Variants in ARL10 observed in about 807,000 individuals in gnomAD.
ARL10 encodes ADP-ribosylation factor-like protein 10.
Under a neutral mutation model 26.1 loss-of-function variants are expected in ARL10, and 23 were observed. The ratio of observed to expected loss-of-function variants is 0.88; its 90% CI spans 0.63 to 1.25. ARL10 has a LOEUF of 1.25. ARL10 is among the 50% of genes most tolerant of loss of function. ARL10 has a pLI of 0.00. For synonymous variants in ARL10, 138 were observed against 149.1 expected (o/e 0.93, Z 0.54); for missense variants, 300 against 323.6 (o/e 0.93, Z 0.56).
At chr5:176,412,544 G>A in the ARL10 span, among the ~76,000 whole-genome samples, 8 of 152,354 alleles carry the variant, frequency 5.3e-5, no homozygotes, top group Admixed American at 2.0e-4. Flanking sequence ...AAAAAGCCAT[G>A]GAGGCCACAT....
chr5:176,394,019 G>A (rs1269463730), intron 1 of ARL10, among the ~76,000 whole-genome samples: 4 of 152,180 alleles, frequency 2.6e-5, no homozygotes, highest in African/African-American at 7.2e-5. Flanking sequence ...AGGTGACCTG[G>A]CCCCTCTCTA....
At chr5:176,410,210 A>C in the ARL10 span, 1 of 1,553,322 alleles carries the variant, frequency 6.4e-7, no homozygotes, top group Non-Finnish European at 8.9e-7. Flanking sequence ...GGTTACTGAG[A>C]CCAGGGCTGT....
Position 176,372,639 on chromosome 5 carries a change from T to G in ARL10, c.*744T>G, listed in dbSNP as rs908770619. On this transcript the variant is annotated 3_prime_UTR_variant, in exon 4 of 4. Transcript: ENST00000310389. ...ATATTCACCCACCAAACAGAAAAAGTGAAGGCTGGGTTTTTCCCCTCTAAT... is the reference window on the plus strand; with the variant it reads ...ATATTCACCCACCAAACAGAAAAAGGGAAGGCTGGGTTTTTCCCCTCTAAT... 39 of 336,902 alleles carry G rather than the reference T, an allele frequency of 1.2e-4. No homozygotes were observed. Among genetic ancestry groups the G allele is most frequent in the African/African-American group, 7.4e-4 (35 of 47,404 alleles). 20.9% of individuals were successfully genotyped at this position (336,902 alleles called of 1,614,324 possible).
At position 176,368,484 on chromosome 5, in the gene ARL10, G is replaced by A. The variant is rs1768404301; in HGVS notation, c.386-323G>A. On this transcript the variant is annotated intron_variant, in intron 2 of 3. Transcript: ENST00000310389. This position sits in a 1 kb window ranked among gnomAD's most constrained non-coding sequence, Gnocchi z 4.1. ...GGTACATCGCACGTGGTACCTGTGG[G>A]TTTTACTGCAACAACCCGTTAGGAA... is the stretch of plus-strand genomic sequence containing the variant. 6.6e-6 allele frequency among the ~76,000 whole-genome samples: 1 copy of A among 152,078 alleles called. No individual in the cohort carries two copies. The highest frequency in any genetic ancestry group is 2.4e-5 in the African/African-American group (1 of 41,428).
rs1218863841 is a variant in ARL10 at position 176,368,037 on chromosome 5, G to A, written c.386-770G>A. The A allele has an allele frequency of 9.8e-6, 5 of 512,734 alleles. No homozygotes were observed. In the East Asian group the frequency reaches 2.2e-4, roughly 23 times the overall value. 31.8% of individuals were successfully genotyped at this position (512,734 alleles called of 1,614,324 possible). ...CAGGCATTGTGCTGAGGGCTTTGTGGGGATTCAGAGGTAAGTGCCTCTGAC... is the reference window on the plus strand; with the variant it reads ...CAGGCATTGTGCTGAGGGCTTTGTGAGGATTCAGAGGTAAGTGCCTCTGAC... On this transcript the variant is annotated intron_variant, in intron 2 of 3. Transcript: ENST00000310389. This position sits in a 1 kb window ranked among gnomAD's most constrained non-coding sequence, Gnocchi z 4.1.
chr5:176,403,922 G>A (rs779074293), downstream of ARL10, among the ~76,000 whole-genome samples: 1 of 151,702 alleles, frequency 6.6e-6, no homozygotes, highest in South Asian at 2.1e-4. Flanking sequence ...CACCACACCC[G>A]ACTAATGTTT....
chr5:176,383,520 T>C (rs747155200), downstream of ARL10, among the ~76,000 whole-genome samples: 61 of 152,172 alleles, frequency 4.0e-4, 2 homozygotes, highest in Admixed American at 3.3e-3. Context: ...AGAAGCCAGG[T>C]TGGGGGCCTC....
chr5:176,404,388 A>C (rs570265685), downstream of ARL10, among the ~76,000 whole-genome samples: 2 of 152,358 alleles, frequency 1.3e-5, no homozygotes, highest in South Asian at 4.1e-4. Flanking sequence ...GCTGCAGAGC[A>C]CTTTTTTCCA....
In ARL10 at chr5:176,371,871, A is replaced by G. The variant is rs370534108; in HGVS notation, c.711A>G (p.Lys237=). The change falls in exon 4 of 4, where the codon AAA becomes AAG. Residue 237 remains lysine (K), a synonymous_variant. Coordinates refer to ENST00000310389, the MANE Select transcript of ARL10 (RefSeq NM_173664.6). ...FEEPGTVHIW[K]LLLELLS The stretch of plus-strand genomic sequence containing the variant: ...AGCCTGGCACCGTGCACATCTGGAA[A>G]CTGCTCTTGGAGCTCCTCTCCTAGG... The G allele has an allele frequency of 4.3e-6, 7 of 1,614,006 alleles. No homozygotes were observed. The highest frequency in any genetic ancestry group is 5.9e-6 in the Non-Finnish European group (7 of 1,180,000).
At chr5:176,409,226 G>A in the ARL10 span, among the ~76,000 whole-genome samples, 1 of 149,308 alleles carries the variant, frequency 6.7e-6, no homozygotes, top group Non-Finnish European at 1.5e-5. Context: ...CACCTGCCTT[G>A]GCCTCCCAAA....
downstream of ARL10, chr5:176,392,419 A>T: frequency 5.0e-6 from 1 of 199,320 alleles, no homozygotes; most frequent in Admixed American, 5.5e-5. This position sits in a 1 kb window ranked among gnomAD's most constrained non-coding sequence, Gnocchi z 5.2. Context: ...GAAGCTGGGA[A>T]AGTTCTAAGC....
At chr5:176,398,082 G>C in intron 1 of ARL10, 1 of 1,586,132 alleles carries the variant, frequency 6.3e-7, no homozygotes, top group Non-Finnish European at 8.7e-7. Context: ...TATCCAGCCA[G>C]CACACCTGCC....
chr5:176,411,125 T>A, the ARL10 span, among the ~76,000 whole-genome samples: 1 of 152,238 alleles, frequency 6.6e-6, no homozygotes, highest in African/African-American at 2.4e-5. Context: ...GAGACTTGCA[T>A]GCACCTGTGA....
downstream of ARL10, chr5:176,384,336 G>C (rs776678999): frequency 3.7e-6 from 6 of 1,614,080 alleles, no homozygotes; most frequent in Non-Finnish European, 5.1e-6. Flanking sequence ...TCTGTTTTGG[G>C]GTATCTTGAT....
chr5:176,383,192 C>T (rs1480451025), downstream of ARL10, among the ~76,000 whole-genome samples: 1 of 152,200 alleles, frequency 6.6e-6, no homozygotes, highest in Non-Finnish European at 1.5e-5. Context: ...AACCACGCAC[C>T]ATACAAGATT....
At chr5:176,404,486 A>T (rs555951487), downstream of ARL10, among the ~76,000 whole-genome samples, 10 of 152,360 alleles carry the variant, frequency 6.6e-5, no homozygotes, top group South Asian at 1.0e-3. Context: ...ACTAGCCCAC[A>T]GCCAGCCAGC....
chr5:176,377,637 C>T lies in ARL10; in HGVS notation c.*5742C>T, dbSNP rs1768719380. 6.6e-6 allele frequency: 1 copy of T among 152,206 alleles called. No individual in the cohort carries two copies. The highest frequency in any genetic ancestry group is 6.5e-5 in the Admixed American group (1 of 15,272). 9.4% of individuals were successfully genotyped at this position (152,206 alleles called of 1,614,324 possible). On this transcript the variant is annotated 3_prime_UTR_variant, in exon 4 of 4. Transcript: ENST00000310389. The surrounding 1 kb of genome is among the most constrained non-coding windows in gnomAD (Gnocchi z 4.5). ...CACCACTTGGAGTTTTTATTATCTT[C>T]CCTGGATTATGGGTTTGACAAACCA... is the stretch of plus-strand genomic sequence containing the variant.
the ARL10 span, among the ~76,000 whole-genome samples, chr5:176,412,124 C>A: frequency 6.8e-6 from 1 of 147,502 alleles, no homozygotes; most frequent in South Asian, 2.2e-4. Context: ...TGCAGTGAGC[C>A]GAGATCCCGC....
At position 176,372,147 on chromosome 5, in the gene ARL10, C is replaced by A; in HGVS notation, c.*252C>A. 3.1e-6 allele frequency: 4 copies of A among 1,282,950 alleles called. No homozygotes were observed. Among genetic ancestry groups the A allele is most frequent in the Non-Finnish European group, 4.1e-6 (4 of 984,706 alleles). 79.5% of individuals were successfully genotyped at this position (1,282,950 alleles called of 1,614,324 possible). The stretch of plus-strand genomic sequence containing the variant: ...AGGATAGTGTCTGGCTCATTCCAGG[C>A]TGGAATGTGGATCCAGCTTTCCCTT... On this transcript the variant is annotated 3_prime_UTR_variant, in exon 4 of 4. Coordinates refer to ENST00000310389, the MANE Select transcript of ARL10 (RefSeq NM_173664.6).
Sources: allele counts gnomAD v4.1 joint callset (sites outside exome capture counted in the v4.1 genomes callset), GRCh38; gene constraint gnomAD v4.1.1; non-coding constraint Gnocchi (gnomAD v3.1); transcripts MANE v1.5; gene names NCBI Gene and HGNC (gene_info 2026-07-23, HGNC 2026-07-21).